PCDHA3: variants seen among roughly 807,000 people sequenced by gnomAD.
The protein encoded by PCDHA3 is protocadherin alpha-3.
A neutral mutation model predicts 62.2 loss-of-function variants in PCDHA3; 41 were observed. The observed-to-expected ratio is 0.66, with a 90% confidence interval of 0.51 to 0.86. PCDHA3 has a LOEUF of 0.86. PCDHA3 is among the 40% of genes least tolerant of loss of function. The probability of loss-of-function intolerance (pLI) is 0.00; values close to 1 mark genes in which losing one functional copy is unlikely to be tolerated. For synonymous variants in PCDHA3, 640 were observed against 555.4 expected (o/e 1.15, Z -2.14); for missense variants, 1,304 against 1,241.2 (o/e 1.05, Z -0.76).
At chr5:140,976,143 A>G (rs2096703250) in intron 1 of PCDHA3, among the ~76,000 whole-genome samples, 1 of 152,236 alleles carries the variant, frequency 6.6e-6, no homozygotes, top group South Asian at 2.1e-4. Flanking sequence ...GATGAAACTC[A>G]TGTACATTTT....
intron 1 of PCDHA3, chr5:140,968,410 T>G: frequency 6.2e-7 from 1 of 1,614,040 alleles, no homozygotes. Context: ...TCTTTGTGAC[T>G]GTGGAGGCTC....
chr5:140,979,359 T>C (rs1554240585), intron 2 of PCDHA3, among the ~76,000 whole-genome samples: 1 of 152,206 alleles, frequency 6.6e-6, no homozygotes, highest in Non-Finnish European at 1.5e-5. Context: ...TACTCATGCT[T>C]TGAGACTTGG....
rs1554181482 is a variant in PCDHA3, at chr5:140,884,371, C to G, written c.2394+80780C>G. The stretch of plus-strand genomic sequence containing the variant: ...TGGTGGATGTCAATGTTTACTTGAT[C>G]ATTGCCATCTGCGCGGTGTCCAGCC... On this transcript the variant is annotated intron_variant, in intron 1 of 3. Coordinates refer to ENST00000522353, the MANE Select transcript of PCDHA3 (RefSeq NM_018906.3). 2 of 1,613,948 alleles carry G rather than the reference C, an allele frequency of 1.2e-6. No homozygotes were observed. Among genetic ancestry groups the G allele is most frequent in the African/African-American group, 2.7e-5 (2 of 75,052 alleles).
At chr5:140,900,290 G>GT (rs1292990700) in intron 1 of PCDHA3, among the ~76,000 whole-genome samples, 2 of 151,548 alleles carry the variant, frequency 1.3e-5, no homozygotes, top group Non-Finnish European at 2.9e-5. Context: ...TTTCTTTTCT[G>GT]TTTTTTTAGA....
At position 140,858,644 on chromosome 5, in the gene PCDHA3, C is replaced by T. The variant is rs1581517400; in HGVS notation, c.2394+55053C>T. ...CCAGTGTGTCAGCCTTTGATTGGTACTTAAATTTTTTTAAATAACAATTTA... is the reference window on the plus strand; with the variant it reads ...CCAGTGTGTCAGCCTTTGATTGGTATTTAAATTTTTTTAAATAACAATTTA... On this transcript the variant is annotated intron_variant, in intron 1 of 3. Coordinates refer to ENST00000522353, the MANE Select transcript of PCDHA3 (RefSeq NM_018906.3). 16 of 921,026 alleles carry T rather than the reference C, an allele frequency of 1.7e-5. 1 individual carries two copies. Among genetic ancestry groups the T allele is most frequent in the African/African-American group, 1.2e-4 (7 of 59,878 alleles). 57.1% of individuals were successfully genotyped at this position (921,026 alleles called of 1,614,324 possible).
At chr5:140,937,798 G>A (rs782138454) in intron 1 of PCDHA3, among the ~76,000 whole-genome samples, 1 of 151,676 alleles carries the variant, frequency 6.6e-6, no homozygotes, top group African/African-American at 2.4e-5. Flanking sequence ...TGTAGTCCCA[G>A]CTACTCGGGA....
intron 1 of PCDHA3, chr5:140,841,964 A>G (rs2150326449): frequency 6.2e-7 from 1 of 1,613,930 alleles, no homozygotes; most frequent in East Asian, 2.2e-5. Context: ...CCTGACAGCC[A>G]CAGATGGGGG....
intron 3 of PCDHA3, among the ~76,000 whole-genome samples, chr5:141,000,496 C>T (rs1257530549): frequency 7.4e-6 from 1 of 134,362 alleles, no homozygotes; most frequent in Non-Finnish European, 1.5e-5. Context: ...GGTAAGATCT[C>T]GGCTCACTGC....
chr5:140,851,487 C>G (rs1273932978), intron 1 of PCDHA3: 3 of 888,978 alleles, frequency 3.4e-6, no homozygotes, highest in African/African-American at 1.8e-5. Context: ...TAAACACAGC[C>G]TTCATTTCAA....
At chr5:140,826,307 G>T (rs1326505892) in intron 1 of PCDHA3, among the ~76,000 whole-genome samples, 5 of 151,882 alleles carry the variant, frequency 3.3e-5, no homozygotes. Context: ...GGAACCTCTT[G>T]TTTTGGGGAT....
chr5:140,924,391 T>C (rs2081808127), intron 1 of PCDHA3, among the ~76,000 whole-genome samples: 1 of 152,326 alleles, frequency 6.6e-6, no homozygotes, highest in East Asian at 1.9e-4. Flanking sequence ...TTACTACTTA[T>C]ATTGCCTTAT....
At chr5:140,828,665 A>C (rs2150157760) in intron 1 of PCDHA3, 1 of 1,614,220 alleles carries the variant, frequency 6.2e-7, no homozygotes, top group Admixed American at 1.7e-5. Context: ...CAATAAACAA[A>C]TTGGGCTCTT....
chr5:140,955,932 A>T (rs907189668), intron 1 of PCDHA3, among the ~76,000 whole-genome samples: 2 of 152,106 alleles, frequency 1.3e-5, no homozygotes, highest in Non-Finnish European at 2.9e-5. Flanking sequence ...GTTCATTCAT[A>T]ATATGGCTGT....
At chr5:140,868,967 A>C (rs2050769969) in intron 1 of PCDHA3, 2 of 1,435,752 alleles carry the variant, frequency 1.4e-6, no homozygotes, top group South Asian at 1.4e-5. Flanking sequence ...ATACAAAGGA[A>C]CTCCATCATA....
intron 1 of PCDHA3, chr5:140,853,583 T>G: frequency 1.0e-6 from 1 of 985,318 alleles, no homozygotes; most frequent in Non-Finnish European, 1.2e-6. Context: ...CCCAATATCT[T>G]AGACACTTTG....
intron 3 of PCDHA3, among the ~76,000 whole-genome samples, chr5:140,989,980 C>T (rs1172154204): frequency 6.6e-6 from 1 of 152,012 alleles, no homozygotes; most frequent in South Asian, 2.1e-4. Context: ...AGCAACAGCC[C>T]TGCCTGAAAT....
chr5:140,850,624 T>C (rs2150491182), intron 1 of PCDHA3: 1 of 1,598,468 alleles, frequency 6.3e-7, no homozygotes, highest in African/African-American at 1.3e-5. Flanking sequence ...GTGTCTAGCC[T>C]GTTGGTTCTC....
At chr5:140,807,151 A>G (rs782213665) in intron 1 of PCDHA3, 6 of 1,580,442 alleles carry the variant, frequency 3.8e-6, no homozygotes, top group South Asian at 1.2e-5. Flanking sequence ...ACTTTGAGAA[A>G]CGATATTTAA....
intron 3 of PCDHA3, among the ~76,000 whole-genome samples, chr5:141,008,870 C>G (rs539100133): frequency 1.4e-4 from 22 of 152,126 alleles, no homozygotes; most frequent in Non-Finnish European, 7.3e-5. Flanking sequence ...ATGCTGCATC[C>G]CACCACCCTT....
Sources: gnomAD v4.1 joint callset for allele counts (sites outside exome capture counted in the v4.1 genomes callset) on GRCh38, gnomAD v4.1.1 for gene constraint, MANE v1.5 for transcripts, NCBI Gene and HGNC (gene_info 2026-07-23, HGNC 2026-07-21) for gene names.